Variants in SRRM3 observed in about 807,000 individuals in gnomAD.
SRRM3 encodes the protein serine/arginine repetitive matrix protein 3.
SRRM3 carries 27 observed loss-of-function variants against 66.2 expected under a neutral mutation model. That is an observed-to-expected ratio of 0.41 (90% CI 0.30 to 0.56). The LOEUF (loss-of-function observed/expected upper bound fraction) is 0.56. SRRM3 is among the 20% of genes least tolerant of loss of function. SRRM3 has a pLI of 0.32. For synonymous variants in SRRM3, 391 were observed against 414.9 expected (o/e 0.94, Z 0.70); for missense variants, 918 against 991.9 (o/e 0.93, Z 1.00).
In SRRM3 at chr7:76,275,249, G is replaced by T. The variant is rs147148192; in HGVS notation, c.1009-6192G>T. Among the ~76,000 whole-genome samples, 908 of 152,216 alleles carry T rather than the reference G, an allele frequency of 6.0e-3. 6 individuals carry two copies. The Middle Eastern group carries it at 0.099, about 17-fold the overall frequency. ...CCCCATGTTTATCCCGGAGGCAGGT[G>T]TCAGGGAGCTCACCCACTCAGAGCA... On this transcript the variant is annotated intron_variant, in intron 11 of 14. Transcript: ENST00000611745.
intron 2 of SRRM3, 90 bp from the exon 3 acceptor site, chr7:76,248,098 G>A (rs1463470971): frequency 1.0e-6 from 1 of 964,516 alleles, no homozygotes; most frequent in South Asian, 1.5e-5. Flanking sequence ...TTGTGACCCA[G>A]GGGTTGGCGG....
rs1802498832 is a variant in SRRM3 at position 76,281,342 on chromosome 7, ATC to A, written c.1009-90_1009-89del. 3.1e-5 allele frequency: 27 copies of A among 864,878 alleles called. No individual in the cohort carries two copies. In the South Asian group the frequency reaches 1.2e-3, roughly 40 times the overall value. 53.6% of individuals were successfully genotyped at this position (864,878 alleles called of 1,614,324 possible). The stretch of plus-strand genomic sequence containing the variant: ...TCTCTGTCTCTGTCTCTTTCTTTCA[ATC>A]TCTCTCTCCCGTCTGTCTCCTCTCT... On this transcript the variant is annotated intron_variant, in intron 11 of 14. Coordinates refer to ENST00000611745, the MANE Select transcript of SRRM3 (RefSeq NM_001110199.3).
chr7:76,221,359 CT>C (rs781915041), intron 1 of SRRM3, among the ~76,000 whole-genome samples: 1,291 of 95,334 alleles, frequency 0.014, 7 homozygotes, highest in African/African-American at 0.017. Context: ...CTGCCCTCCT[CT>C]TTTTTTTTTT....
intron 14 of SRRM3, chr7:76,283,843 T>C (rs1017524155): frequency 4.1e-6 from 4 of 985,224 alleles, no homozygotes; most frequent in Admixed American, 6.1e-5. Context: ...GGTGACATTA[T>C]GGTCTGCCTT....
intron 3 of SRRM3, 78 bp downstream of exon 3, chr7:76,248,367 C>A: frequency 1.8e-6 from 2 of 1,114,306 alleles, no homozygotes; most frequent in Admixed American, 2.0e-5. Context: ...GGGGCCTGTC[C>A]AGGTGGCTTG....
chr7:76,246,595 GA>G (rs1554606190), intron 2 of SRRM3, among the ~76,000 whole-genome samples: 1 of 151,366 alleles, frequency 6.6e-6, no homozygotes, highest in African/African-American at 2.5e-5. Context: ...AGAGAGAAAA[GA>G]AAAGTTGTAT....
chr7:76,226,184 T>C (rs1433578973), intron 1 of SRRM3, among the ~76,000 whole-genome samples: 1 of 152,354 alleles, frequency 6.6e-6, no homozygotes, highest in Admixed American at 6.5e-5. Flanking sequence ...ATGAGCTGTT[T>C]CACCTTCAAT....
At chr7:76,272,520 A>T (rs1554610636) in intron 11 of SRRM3, among the ~76,000 whole-genome samples, 2 of 152,086 alleles carry the variant, frequency 1.3e-5, no homozygotes, top group African/African-American at 4.8e-5. Flanking sequence ...GTGAGCTATC[A>T]TCCTGTCTGT....
At chr7:76,256,573 ATTG>A (rs1259759946) in intron 3 of SRRM3, among the ~76,000 whole-genome samples, 1 of 151,616 alleles carries the variant, frequency 6.6e-6, no homozygotes, top group Non-Finnish European at 1.5e-5. Context: ...GCCCATTTAT[ATTG>A]TTATTTCTTG....
chr7:76,252,758 C>A (rs1191868830), intron 3 of SRRM3, among the ~76,000 whole-genome samples: 1 of 152,154 alleles, frequency 6.6e-6, no homozygotes, highest in African/African-American at 2.4e-5. Flanking sequence ...GGGAATGTTC[C>A]TTTTCTTCTC....
chr7:76,217,187 A>C (rs1417513590), intron 1 of SRRM3, among the ~76,000 whole-genome samples: 5 of 152,234 alleles, frequency 3.3e-5, no homozygotes, highest in Non-Finnish European at 7.3e-5. Flanking sequence ...CCAGGGACTC[A>C]GAGCCCAGCT....
chr7:76,223,683 G>A (rs1800778407), intron 1 of SRRM3, among the ~76,000 whole-genome samples: 1 of 152,078 alleles, frequency 6.6e-6, no homozygotes, highest in Non-Finnish European at 1.5e-5. Context: ...ACCACACTGG[G>A]CTTTTTCTCT....
intron 1 of SRRM3, among the ~76,000 whole-genome samples, chr7:76,212,162 C>CTTTT (rs57681676): frequency 9.9e-6 from 1 of 101,004 alleles, no homozygotes; most frequent in African/African-American, 4.1e-5. Context: ...CTGAGGTCTG[C>CTTTT]TTTTTTTTTT....
At chr7:76,282,580 A>ACCCCCCCCC in intron 12 of SRRM3, 68 bp from the exon 13 acceptor site, 1 of 172,300 alleles carries the variant, frequency 5.8e-6, no homozygotes, top group Non-Finnish European at 9.6e-6. Context: ...CGCCCCAGGG[A>ACCCCCCCCC]ACCCTCCCCG....
At chr7:76,222,164 C>G (rs1395610948) in intron 1 of SRRM3, among the ~76,000 whole-genome samples, 1 of 152,062 alleles carries the variant, frequency 6.6e-6, no homozygotes, top group African/African-American at 2.4e-5. Context: ...ACCTGCAATC[C>G]CAGAGCTTTG....
intron 1 of SRRM3, among the ~76,000 whole-genome samples, chr7:76,233,155 G>A (rs1352461987): frequency 6.6e-6 from 1 of 152,140 alleles, no homozygotes; most frequent in Non-Finnish European, 1.5e-5. Flanking sequence ...AAAATTCTTT[G>A]TTTTAATTAG....
rs782120250 is a variant in SRRM3, at chr7:76,282,792, C to G, written c.1515C>G (p.Pro505=). The change falls in exon 13 of 15, where the codon CCC becomes CCG. Residue 505 remains proline, a synonymous_variant. Coordinates refer to ENST00000611745, the MANE Select transcript of SRRM3 (RefSeq NM_001110199.3). ...HPRSWSSSRS[P]SKSRSRSAEK... Reference sequence around the variant, plus strand: ...GCTCCTGGAGCTCCAGCCGCTCGCCCTCCAAATCTCGCTCGCGCTCTGCGG... The same window carrying G: ...GCTCCTGGAGCTCCAGCCGCTCGCCGTCCAAATCTCGCTCGCGCTCTGCGG... 2 of 1,466,330 alleles carry G rather than the reference C, an allele frequency of 1.4e-6. No individual in the cohort carries two copies. The highest frequency in any genetic ancestry group is 2.6e-5 in the South Asian group (2 of 77,502). 90.8% of individuals were successfully genotyped at this position (1,466,330 alleles called of 1,614,324 possible). A position where few individuals can be genotyped will look rare whatever the true frequency, so the allele number is the denominator to read the frequency against.
chr7:76,260,218 G>A (rs1801821259), intron 5 of SRRM3, 21 bp downstream of exon 5: 2 of 1,517,860 alleles, frequency 1.3e-6, no homozygotes, highest in African/African-American at 1.4e-5. Context: ...CGCCTGACCG[G>A]AGCGGGAAGG....
intron 3 of SRRM3, among the ~76,000 whole-genome samples, chr7:76,252,205 C>T (rs1213904038): frequency 1.3e-5 from 2 of 152,224 alleles, no homozygotes; most frequent in Non-Finnish European, 2.9e-5. Context: ...GATGAGTGAG[C>T]TGGAAGACCT....
Sources: gnomAD v4.1 joint callset for allele counts (sites outside exome capture counted in the v4.1 genomes callset) on GRCh38, gnomAD v4.1.1 for gene constraint, MANE v1.5 for transcripts, NCBI Gene and HGNC (gene_info 2026-07-23, HGNC 2026-07-21) for gene names.